The following IGFL2 variants were observed in gnomAD, a reference collection of about 807,000 sequenced individuals.
IGFL2 encodes the protein insulin growth factor-like family member 2.
Under a neutral mutation model 13.9 loss-of-function variants are expected in IGFL2, and 7 were observed. The observed-to-expected ratio is 0.51, with a 90% CI of 0.29 to 0.95. The LOEUF is 0.95. IGFL2 is among the 40% of genes least tolerant of loss of function. IGFL2 has a pLI of 0.08. For synonymous variants in IGFL2, 55 were observed against 55.8 expected (o/e 0.99, Z 0.07); for missense variants, 138 against 147.8 (o/e 0.93, Z 0.34).
the IGFL2 span, among the ~76,000 whole-genome samples, chr19:46,132,216 T>C: frequency 6.6e-6 from 1 of 152,154 alleles, no homozygotes; most frequent in Admixed American, 6.5e-5. Flanking sequence ...TTGGGTTCTC[T>C]TTTTCTGAGC....
At chr19:46,196,216 C>G in the IGFL2 span, 1 of 228,966 alleles carries the variant, frequency 4.4e-6, no homozygotes, top group Non-Finnish European at 9.1e-6. Flanking sequence ...CCCACTCACT[C>G]CCCTCCAGCC....
the IGFL2 span, among the ~76,000 whole-genome samples, chr19:46,126,175 T>A: frequency 8.6e-5 from 13 of 151,554 alleles, no homozygotes; most frequent in Non-Finnish European, 1.6e-4. Flanking sequence ...CGTAGACTTT[T>A]GGAAGGCGAA....
chr19:46,180,938 C>G, the IGFL2 span, among the ~76,000 whole-genome samples: 1 of 152,106 alleles, frequency 6.6e-6, no homozygotes, highest in Non-Finnish European at 1.5e-5. Context: ...TTGGATGGTG[C>G]CCCCCCAGAT....
At chr19:46,097,836 T>A in the IGFL2 span, among the ~76,000 whole-genome samples, 2 of 152,212 alleles carry the variant, frequency 1.3e-5, no homozygotes, top group African/African-American at 4.8e-5. Context: ...TTTTTAAACC[T>A]TGAGTTCTAA....
chr19:46,182,710 T>G, the IGFL2 span, among the ~76,000 whole-genome samples: 1 of 152,150 alleles, frequency 6.6e-6, no homozygotes, highest in East Asian at 1.9e-4. Context: ...TCGTCCCTTT[T>G]CATTGCCGAG....
the IGFL2 span, among the ~76,000 whole-genome samples, chr19:46,089,022 TTTTG>T: frequency 6.6e-6 from 1 of 152,212 alleles, no homozygotes; most frequent in Non-Finnish European, 1.5e-5. Flanking sequence ...TCTACTGCTA[TTTTG>T]TTTATTGTTT....
chr19:46,139,539 A>G (rs1278906215), upstream of IGFL2, among the ~76,000 whole-genome samples: 1 of 152,138 alleles, frequency 6.6e-6, no homozygotes, highest in African/African-American at 2.4e-5. Context: ...GTGAATACCA[A>G]GGTAGGCTTT....
the IGFL2 span, among the ~76,000 whole-genome samples, chr19:46,110,670 A>G: frequency 2.6e-5 from 4 of 152,254 alleles, no homozygotes; most frequent in African/African-American, 9.6e-5. Context: ...AAGTTGTTCA[A>G]TGTTTACTGT....
the IGFL2 span, among the ~76,000 whole-genome samples, chr19:46,176,511 C>A: frequency 6.6e-6 from 1 of 152,190 alleles, no homozygotes; most frequent in Non-Finnish European, 1.5e-5. Context: ...AACCCTCAAC[C>A]ACTAAGGCCA....
the IGFL2 span, among the ~76,000 whole-genome samples, chr19:46,170,583 A>G: frequency 2.6e-5 from 4 of 152,322 alleles, no homozygotes; most frequent in African/African-American, 9.6e-5. Flanking sequence ...GGACAGAGCC[A>G]TATTTCTCTT....
At chr19:46,107,882 A>G in the IGFL2 span, among the ~76,000 whole-genome samples, 1 of 152,148 alleles carries the variant, frequency 6.6e-6, no homozygotes, top group African/African-American at 2.4e-5. Context: ...CTGGGTTTTT[A>G]TATTTGGTGA....
chr19:46,166,129 A>G (rs1389004761), downstream of IGFL2, among the ~76,000 whole-genome samples: 2 of 152,196 alleles, frequency 1.3e-5, no homozygotes, highest in African/African-American at 4.8e-5. Context: ...GATGTGGCCC[A>G]CTGGCTAACA....
chr19:46,160,565 G>T (rs1391159521), intron 2 of IGFL2, 49 bp from the exon 3 acceptor site: 2 of 1,613,458 alleles, frequency 1.2e-6, no homozygotes, highest in Non-Finnish European at 1.7e-6. Context: ...GGGATGTAGT[G>T]CCTGGTTATC....
the IGFL2 span, among the ~76,000 whole-genome samples, chr19:46,210,775 G>C: frequency 6.6e-6 from 1 of 152,086 alleles, no homozygotes; most frequent in Non-Finnish European, 1.5e-5. Flanking sequence ...ATCTCCTTTG[G>C]CAACACCCCT....
the IGFL2 span, among the ~76,000 whole-genome samples, chr19:46,131,016 A>C: frequency 1.3e-5 from 2 of 152,140 alleles, no homozygotes; most frequent in Admixed American, 1.3e-4. Flanking sequence ...CTCCAACTTA[A>C]AGTTCTATGA....
At chr19:46,170,317 GGACA>G in the IGFL2 span, among the ~76,000 whole-genome samples, 1 of 152,086 alleles carries the variant, frequency 6.6e-6, no homozygotes, top group Admixed American at 6.6e-5. Flanking sequence ...AAGATTTCAT[GGACA>G]TTTATCACTT....
intron 1 of IGFL2, among the ~76,000 whole-genome samples, chr19:46,153,251 A>C (rs1344931818): frequency 6.6e-6 from 1 of 152,084 alleles, no homozygotes; most frequent in Non-Finnish European, 1.5e-5. Context: ...GCCTTCTTTA[A>C]TTGTTTTGTA....
the IGFL2 span, chr19:46,214,878 AACACACGCGTGCGCGC>A: frequency 7.0e-6 from 1 of 141,882 alleles, no homozygotes; most frequent in Admixed American, 7.3e-5. Context: ...AACAGAAGCA[AACACACGCGTGCGCGC>A]ACACACACAC....
At chr19:46,137,741 G>A in the IGFL2 span, among the ~76,000 whole-genome samples, 1 of 152,156 alleles carries the variant, frequency 6.6e-6, no homozygotes, top group Non-Finnish European at 1.5e-5. Context: ...TTAAATTTTT[G>A]TCTGACTGAG....
Sources: allele counts gnomAD v4.1 joint callset (sites outside exome capture counted in the v4.1 genomes callset), GRCh38; gene constraint gnomAD v4.1.1; transcripts MANE v1.5; gene names NCBI Gene and HGNC (gene_info 2026-07-23, HGNC 2026-07-21).